Variants in CDH20 observed in about 807,000 individuals in gnomAD.
CDH20 encodes cadherin-20.
In CDH20, 29 loss-of-function variants were observed where a neutral mutation model predicts 74.2. That is an observed-to-expected ratio of 0.39 (90% confidence interval 0.29 to 0.53). CDH20 has a LOEUF of 0.53. CDH20 is among the 20% of genes least tolerant of loss of function. The pLI is 0.69. For synonymous variants in CDH20, 469 were observed against 405.4 expected, an observed-to-expected ratio of 1.16 and a Z score of -1.88; for missense variants, 988 against 1,048.3, an observed-to-expected ratio of 0.94 and a Z score of 0.79.
chr18:61,453,862 A>C (rs1909482475), intron 1 of CDH20, among the ~76,000 whole-genome samples: 1 of 151,928 alleles, frequency 6.6e-6, no homozygotes. Flanking sequence ...TGCATGTTTA[A>C]TTTTTTTTAA....
At chr18:61,538,614 G>GTTTTTTT (rs541920246) in intron 8 of CDH20, among the ~76,000 whole-genome samples, 14 of 57,568 alleles carry the variant, frequency 2.4e-4, no homozygotes, top group South Asian at 7.2e-4. Context: ...TTTTGTTTTT[G>GTTTTTTT]TTTTTGTTTT....
At chr18:61,452,396 C>T (rs950347175) in intron 1 of CDH20, among the ~76,000 whole-genome samples, 6 of 152,080 alleles carry the variant, frequency 3.9e-5, no homozygotes, top group Admixed American at 1.3e-4. Flanking sequence ...ATGGCTGGAT[C>T]GTTCTACGTT....
chr18:61,515,617 A>G (rs1436619543), intron 6 of CDH20, among the ~76,000 whole-genome samples: 1 of 151,476 alleles, frequency 6.6e-6, no homozygotes, highest in African/African-American at 2.4e-5. Flanking sequence ...TGATGAGTTC[A>G]TGTCCTTTGT....
At chr18:61,454,616 T>A (rs764139017) in intron 1 of CDH20, among the ~76,000 whole-genome samples, 42 of 152,142 alleles carry the variant, frequency 2.8e-4, no homozygotes, top group Admixed American at 5.2e-4. Flanking sequence ...CTTCTAAAAA[T>A]AAGGTCTGGG....
chr18:61,528,481 A>ACACACC (rs755504850), intron 7 of CDH20, among the ~76,000 whole-genome samples: 14 of 149,312 alleles, frequency 9.4e-5, no homozygotes, highest in South Asian at 2.1e-4. Context: ...ACACACACAC[A>ACACACC]CCCCTTAGTT....
At chr18:61,334,843 T>C (rs930805057) in intron 1 of CDH20, among the ~76,000 whole-genome samples, 3 of 151,622 alleles carry the variant, frequency 2.0e-5, no homozygotes, top group Non-Finnish European at 2.9e-5. Flanking sequence ...TTATTATTAA[T>C]GCTCTTGTTA....
chr18:61,538,937 T>C, intron 8 of CDH20, 87 bp from the exon 9 acceptor site: 1 of 1,508,476 alleles, frequency 6.6e-7, no homozygotes, highest in Non-Finnish European at 9.0e-7. Flanking sequence ...CAGTCGTAAA[T>C]ACCGACTTCT....
intron 1 of CDH20, among the ~76,000 whole-genome samples, chr18:61,447,409 T>C (rs774541639): frequency 4.6e-5 from 7 of 152,152 alleles, no homozygotes; most frequent in Admixed American, 1.3e-4. Context: ...GGGGAAGATA[T>C]GGACACTTAA....
intron 1 of CDH20, among the ~76,000 whole-genome samples, chr18:61,434,699 A>G (rs762352315): frequency 2.0e-5 from 3 of 152,086 alleles, no homozygotes; most frequent in Non-Finnish European, 4.4e-5. Flanking sequence ...CTGAGCCAGA[A>G]CTTTCTTCCT....
chr18:61,436,255 CAT>C (rs1908832182), intron 1 of CDH20, among the ~76,000 whole-genome samples: 3 of 152,236 alleles, frequency 2.0e-5, no homozygotes, highest in East Asian at 3.9e-4. Context: ...TTTGTATAGA[CAT>C]ATGTTTTCAG....
At chr18:61,378,523 G>A (rs1002647991) in intron 1 of CDH20, among the ~76,000 whole-genome samples, 12 of 152,088 alleles carry the variant, frequency 7.9e-5, no homozygotes, top group African/African-American at 2.2e-4. Flanking sequence ...CTCAGTCTAC[G>A]GGCTCAGATT....
intron 1 of CDH20, among the ~76,000 whole-genome samples, chr18:61,428,515 G>C (rs1913149338): frequency 6.6e-6 from 1 of 152,100 alleles, no homozygotes; most frequent in African/African-American, 2.4e-5. Context: ...TGATAATGAG[G>C]GTCTTGCTGT....
chr18:61,496,582 C>A (rs1240958781), intron 2 of CDH20, among the ~76,000 whole-genome samples: 2 of 152,120 alleles, frequency 1.3e-5, no homozygotes, highest in Admixed American at 6.5e-5. Context: ...GAGTCAGGGG[C>A]GCCCTGTGGT....
At position 61,538,586 on chromosome 18, in the gene CDH20, TTGTTTGTTTG is replaced by T. The variant is rs1568182054; in HGVS notation, c.1409-436_1409-427del. On this transcript the variant is annotated intron_variant, in intron 8 of 11. Transcript: ENST00000262717. Reference sequence around the variant, plus strand: ...CACCAAGTAAATAACTACTTTTTGTTTGTTTGTTTGTTTTTGTTTTTGTTTTTGTTTTTGT... The same window carrying T: ...CACCAAGTAAATAACTACTTTTTGTTTTTTTGTTTTTGTTTTTGTTTTTGT... 3.3e-4 allele frequency among the ~76,000 whole-genome samples: 16 copies of T among 48,358 alleles called. 2 individuals are homozygous for T. In the South Asian group the frequency reaches 5.3e-3, roughly 16 times the overall value. 31.7% of individuals were successfully genotyped at this position (48,358 alleles called of 152,430 possible). A position where few individuals can be genotyped will look rare whatever the true frequency, so the allele number is the denominator to read the frequency against.
intron 1 of CDH20, among the ~76,000 whole-genome samples, chr18:61,438,971 AG>A (rs1908933083): frequency 6.6e-6 from 1 of 152,178 alleles, no homozygotes; most frequent in Non-Finnish European, 1.5e-5. Context: ...ATGCAGCTGG[AG>A]GCCATTTTCC....
Position 61,499,430 on chromosome 18 carries a change from A to T in CDH20, c.491A>T (p.Lys164Met). 1 of 1,613,936 alleles carries T rather than the reference A, an allele frequency of 6.2e-7. No individual in the cohort carries two copies. Among genetic ancestry groups the T allele is most frequent in the Non-Finnish European group, 8.5e-7 (1 of 1,179,970 alleles). Residue 164 changes from lysine (K) to methionine (M), a missense_variant, in exon 3 of 12, where the codon AAG becomes ATG. Around this residue, in one of 2 missense-constraint regions of CDH20, gnomAD observed 613 missense variants for 755.2 expected, o/e 0.81. Transcript: ENST00000262717. ...CAAGACATCAATGACAATGAGCCCA[A>T]GTTCCTGGACGGACCTTATGTGGCC... ...KIQDINDNEP[K>M]FLDGPYVATV...
intron 1 of CDH20, among the ~76,000 whole-genome samples, chr18:61,360,192 C>A (rs2144131786): frequency 6.6e-6 from 1 of 152,262 alleles, no homozygotes; most frequent in South Asian, 2.1e-4. Flanking sequence ...TTAACAAGCT[C>A]TTCAGACAAT....
intron 1 of CDH20, among the ~76,000 whole-genome samples, chr18:61,405,870 T>A (rs1241212170): frequency 1.3e-5 from 2 of 152,200 alleles, no homozygotes; most frequent in African/African-American, 4.8e-5. Context: ...TTCCTTCAAA[T>A]ATCAGCATAA....
chr18:61,359,179 AC>A (rs1910601981), intron 1 of CDH20, among the ~76,000 whole-genome samples: 1 of 152,112 alleles, frequency 6.6e-6, no homozygotes, highest in Admixed American at 6.5e-5. Flanking sequence ...ATAATAAGTG[AC>A]CATAATGTGA....
Sources: gnomAD v4.1 joint callset for allele counts (sites outside exome capture counted in the v4.1 genomes callset) on GRCh38, gnomAD v4.1.1 for gene constraint, gnomAD v4.1.1 regional missense constraint, MANE v1.5 for transcripts, NCBI Gene and HGNC (gene_info 2026-07-23, HGNC 2026-07-21) for gene names.